The following ALK variants were observed in gnomAD, a reference collection of about 807,000 sequenced individuals.
ALK encodes ALK tyrosine kinase receptor.
A neutral mutation model predicts 163.1 loss-of-function variants in ALK; 74 were observed. That is an observed-to-expected ratio of 0.45 (90% CI 0.38 to 0.55). ALK has a LOEUF of 0.55. Among genes scored for constraint, ALK ranks in the 20% least tolerant of loss-of-function variants. The probability of loss-of-function intolerance (pLI) is 0.00; values close to 1 mark genes in which losing one functional copy is unlikely to be tolerated. For missense variants in ALK, 2,063 were observed against 2,105.3 expected (o/e 0.98, Z 0.39); for synonymous variants, 960 against 843.2 (o/e 1.14, Z -2.40).
At chr2:29,841,662 C>T (rs564941065) in intron 1 of ALK, among the ~76,000 whole-genome samples, 51 of 152,258 alleles carry the variant, frequency 3.3e-4, no homozygotes, top group Non-Finnish European at 6.5e-4. Context: ...TGAACAAGAG[C>T]CTTAGTGCTG....
chr2:29,214,451 A>G (rs532573233), intron 23 of ALK, among the ~76,000 whole-genome samples: 3 of 152,304 alleles, frequency 2.0e-5, no homozygotes, highest in Non-Finnish European at 4.4e-5. Context: ...TAAGCATTTG[A>G]ATACCCCCAA....
intron 1 of ALK, among the ~76,000 whole-genome samples, chr2:29,827,466 T>C (rs952582777): frequency 1.3e-5 from 2 of 152,194 alleles, no homozygotes; most frequent in African/African-American, 4.8e-5. Flanking sequence ...ATGAACTCTT[T>C]GCAGATTTTA....
At chr2:29,236,751 A>T (rs1389896979) in intron 13 of ALK, among the ~76,000 whole-genome samples, 1 of 151,328 alleles carries the variant, frequency 6.6e-6, no homozygotes, top group Admixed American at 6.6e-5. Context: ...TCTTTTCCTG[A>T]CCTCTAAATG....
chr2:29,687,050 A>T lies in ALK; in HGVS notation c.952+7800T>A, dbSNP rs1678261483. On this transcript the variant is annotated intron_variant, in intron 3 of 28. Coordinates refer to ENST00000389048, the MANE Select transcript of ALK (RefSeq NM_004304.5). ...GGTGAATTCCAAAAGACGGGCAGAG[A>T]TAGAAGGCCACACATCCACCCAGTG... 2.6e-5 allele frequency among the ~76,000 whole-genome samples: 4 copies of T among 152,066 alleles called. No homozygotes were observed. In the South Asian group the frequency reaches 8.3e-4, roughly 32 times the overall value.
chr2:29,428,221 A>G (rs1015053214), intron 4 of ALK, among the ~76,000 whole-genome samples: 1 of 152,038 alleles, frequency 6.6e-6, no homozygotes, highest in Non-Finnish European at 1.5e-5. Context: ...TTAAGATACC[A>G]GAAAAATAAG....
intron 1 of ALK, among the ~76,000 whole-genome samples, chr2:29,737,530 C>T (rs947862448): frequency 6.6e-6 from 1 of 152,066 alleles, no homozygotes; most frequent in Admixed American, 6.5e-5. Context: ...TAAGTGACAT[C>T]ACGAGAAGCA....
intron 4 of ALK, among the ~76,000 whole-genome samples, chr2:29,424,075 T>C (rs1670080437): frequency 6.6e-6 from 1 of 152,266 alleles, no homozygotes; most frequent in South Asian, 2.1e-4. Context: ...TCACGTTACA[T>C]GGGTAATGAA....
At chr2:29,859,395 G>A (rs1021960743) in intron 1 of ALK, among the ~76,000 whole-genome samples, 1 of 152,236 alleles carries the variant, frequency 6.6e-6, no homozygotes, top group Non-Finnish European at 1.5e-5. Flanking sequence ...AGTGGCACGT[G>A]TAAAGAAAAC....
At chr2:29,721,971 C>T (rs1212697726) in intron 1 of ALK, among the ~76,000 whole-genome samples, 3 of 152,260 alleles carry the variant, frequency 2.0e-5, no homozygotes, top group African/African-American at 7.2e-5. Flanking sequence ...ACCTCAAGGT[C>T]GCCGACGACC....
chr2:29,574,711 T>C (rs1674475266), intron 3 of ALK, among the ~76,000 whole-genome samples: 2 of 152,250 alleles, frequency 1.3e-5, no homozygotes, highest in Non-Finnish European at 2.9e-5. Context: ...TCCTGCGGGT[T>C]GGTGTTTCTA....
At chr2:29,264,634 C>T (rs1291693687) in intron 11 of ALK, among the ~76,000 whole-genome samples, 3 of 152,176 alleles carry the variant, frequency 2.0e-5, no homozygotes, top group Non-Finnish European at 4.4e-5. Context: ...ATGTGAAAAA[C>T]AAAACCAAAG....
Position 29,214,350 on chromosome 2 carries a change from G to T in ALK, c.3646-269C>A, listed in dbSNP as rs3820709. ...AATATGATGCCAGCGTGCAGCGAAGGCTCGGAACACCCAGACTCCGGGAAG... is the reference window on the plus strand; with the variant it reads ...AATATGATGCCAGCGTGCAGCGAAGTCTCGGAACACCCAGACTCCGGGAAG... On this transcript the variant is annotated intron_variant, in intron 23 of 28. Coordinates refer to ENST00000389048, the MANE Select transcript of ALK (RefSeq NM_004304.5). Among the ~76,000 whole-genome samples the T allele has an allele frequency of 5.3e-5, 8 of 152,272 alleles. No homozygotes were observed. In the East Asian group the frequency reaches 1.5e-3, roughly 29 times the overall value.
chr2:29,510,008 G>A (rs1672466098), intron 4 of ALK, among the ~76,000 whole-genome samples: 1 of 152,194 alleles, frequency 6.6e-6, no homozygotes, highest in Admixed American at 6.5e-5. Context: ...ATTGCCTATG[G>A]GATCATGGGT....
At chr2:29,354,772 T>C (rs934994680) in intron 5 of ALK, among the ~76,000 whole-genome samples, 10 of 149,810 alleles carry the variant, frequency 6.7e-5, no homozygotes, top group South Asian at 4.2e-4. Flanking sequence ...TTTTTCTTTT[T>C]TTTTTTTTTT....
intron 3 of ALK, among the ~76,000 whole-genome samples, chr2:29,582,315 T>G (rs1283480453): frequency 6.6e-6 from 1 of 152,212 alleles, no homozygotes; most frequent in Non-Finnish European, 1.5e-5. Context: ...CCTACAAGAA[T>G]GGGTATCTCA....
At position 29,227,540 on chromosome 2, in the gene ALK, G is replaced by A. The variant is rs772847388; in HGVS notation, c.2914+34C>T. ...TAGCTTGGTGGGAGGACTGACCTAA[G>A]CAAGTTTGTTCTGCTGCCTGGCAGA... On this transcript the variant is annotated intron_variant, in intron 17 of 28. Transcript: ENST00000389048. This position sits in a 1 kb window ranked among gnomAD's most constrained non-coding sequence, Gnocchi z 4.4. 5.1e-6 allele frequency: 8 copies of A among 1,564,218 alleles called. No homozygotes were observed. The East Asian group carries it at 1.8e-4, about 35-fold the overall frequency.
At chr2:29,715,619 T>A (rs2631974) in intron 2 of ALK, among the ~76,000 whole-genome samples, 1 of 151,846 alleles carries the variant, frequency 6.6e-6, no homozygotes, top group Non-Finnish European at 1.5e-5. Flanking sequence ...CAGCATGGAG[T>A]GGGTAGATTT....
At chr2:29,421,935 C>T (rs1670026175) in intron 4 of ALK, among the ~76,000 whole-genome samples, 1 of 151,630 alleles carries the variant, frequency 6.6e-6, no homozygotes, top group Admixed American at 6.6e-5. Context: ...TCTAGAAAAG[C>T]AATTCATTTT....
At chr2:29,705,289 A>ATATATATATATATATC (rs1678875518) in intron 2 of ALK, among the ~76,000 whole-genome samples, 1 of 117,956 alleles carries the variant, frequency 8.5e-6, no homozygotes, top group African/African-American at 3.1e-5. Flanking sequence ...ATAAATATAT[A>ATATATATATATATATC]TCTGCTGTGA....
Sources: allele counts gnomAD v4.1 joint callset (sites outside exome capture counted in the v4.1 genomes callset), GRCh38; gene constraint gnomAD v4.1.1; non-coding constraint Gnocchi (gnomAD v3.1); transcripts MANE v1.5; gene names NCBI Gene and HGNC (gene_info 2026-07-23, HGNC 2026-07-21).